The following CERT1 variants were observed in gnomAD, a reference collection of about 807,000 sequenced individuals.
CERT1 encodes ceramide transporter 1, also known as ceramide transfer protein.
In CERT1, 31 loss-of-function variants were observed where a neutral mutation model predicts 87.9. The ratio of observed to expected loss-of-function variants is 0.35; its 90% CI spans 0.27 to 0.48. CERT1 has a LOEUF of 0.48. CERT1 is among the 20% of genes least tolerant of loss of function. CERT1 has a pLI of 0.99. For synonymous variants in CERT1, 289 were observed against 250.9 expected (o/e 1.15, Z -1.44); for missense variants, 487 against 758.0 (o/e 0.64, Z 4.20).
intron 11 of CERT1, among the ~76,000 whole-genome samples, chr5:75,390,616 C>T (rs540411709): frequency 1.8e-4 from 28 of 151,988 alleles, no homozygotes; most frequent in East Asian, 5.8e-4. Flanking sequence ...ACAAAGATTG[C>T]GGAAACAAAG....
chr5:75,434,797 C>T (rs1764020799), intron 3 of CERT1, among the ~76,000 whole-genome samples: 3 of 152,058 alleles, frequency 2.0e-5, no homozygotes, highest in Admixed American at 2.0e-4. Flanking sequence ...TTTTTAATCT[C>T]TGAGGGTTTT....
chr5:75,487,031 C>T (rs934057669), intron 2 of CERT1, among the ~76,000 whole-genome samples: 5 of 152,010 alleles, frequency 3.3e-5, no homozygotes, highest in Non-Finnish European at 7.4e-5. Flanking sequence ...CCAAAGATAT[C>T]CTAAGCAAAA....
At chr5:75,394,116 A>G (rs1481562150) in intron 11 of CERT1, among the ~76,000 whole-genome samples, 1 of 152,212 alleles carries the variant, frequency 6.6e-6, no homozygotes, top group Non-Finnish European at 1.5e-5. Context: ...CGTATTGACA[A>G]AAGTTAACTG....
chr5:75,388,506 A>G (rs1023030442), intron 12 of CERT1, among the ~76,000 whole-genome samples: 2 of 150,358 alleles, frequency 1.3e-5, no homozygotes, highest in African/African-American at 4.9e-5. Flanking sequence ...ATTGTTTCAA[A>G]TCACAGAGAT....
intron 2 of CERT1, among the ~76,000 whole-genome samples, chr5:75,486,757 T>C (rs1215524181): frequency 6.6e-6 from 1 of 151,944 alleles, no homozygotes; most frequent in African/African-American, 2.4e-5. Context: ...ATAAGATACC[T>C]AGGAATAAAC....
chr5:75,393,793 CT>C (rs967212582), intron 11 of CERT1, among the ~76,000 whole-genome samples: 1 of 150,908 alleles, frequency 6.6e-6, no homozygotes. Context: ...GTGAACTCCC[CT>C]CTCTACTAAA....
At chr5:75,505,838 T>C in intron 2 of CERT1, 144 bp downstream of exon 2, 1 of 539,478 alleles carries the variant, frequency 1.9e-6, no homozygotes, top group African/African-American at 2.0e-5. Context: ...AATCACTTTA[T>C]GGAAAAAAGT....
intron 11 of CERT1, among the ~76,000 whole-genome samples, 196 bp from the exon 12 acceptor site, chr5:75,389,883 G>A (rs1224738360): frequency 2.6e-5 from 4 of 152,148 alleles, no homozygotes; most frequent in Non-Finnish European, 4.4e-5. Flanking sequence ...AATGACAGGA[G>A]ACAGAAATGA....
intron 3 of CERT1, among the ~76,000 whole-genome samples, chr5:75,453,101 CA>C (rs1182587268): frequency 8.5e-5 from 13 of 152,092 alleles, no homozygotes; most frequent in African/African-American, 3.1e-4. Flanking sequence ...TTAAATCATA[CA>C]GTCATTTCGT....
At chr5:75,403,504 C>G (rs1374406049) in intron 8 of CERT1, among the ~76,000 whole-genome samples, 1 of 152,190 alleles carries the variant, frequency 6.6e-6, no homozygotes, top group East Asian at 1.9e-4. Context: ...GCTCATTCAG[C>G]TATATATTAT....
In CERT1 at chr5:75,430,564, G is replaced by A. The variant is rs146427099; in HGVS notation, c.349-4086C>T. ...ATACAAAGAGGTAGAAGAAAATGTG[G>A]GAAGTGTAGACTACATCTGTCAAAA... On this transcript the variant is annotated intron_variant, in intron 3 of 16. Coordinates refer to ENST00000643780, the MANE Select transcript of CERT1 (RefSeq NM_001379029.1). 1.1e-3 allele frequency among the ~76,000 whole-genome samples: 164 copies of A among 152,236 alleles called. 1 individual carries two copies. The East Asian group carries it at 0.027, about 25-fold the overall frequency.
At chr5:75,481,727 T>A (rs1172971733) in intron 2 of CERT1, among the ~76,000 whole-genome samples, 1 of 152,216 alleles carries the variant, frequency 6.6e-6, no homozygotes, top group Non-Finnish European at 1.5e-5. Flanking sequence ...ATTGACTTGA[T>A]GTATCTGCTT....
intron 3 of CERT1, among the ~76,000 whole-genome samples, chr5:75,442,978 G>C (rs1764387777): frequency 6.6e-6 from 1 of 151,996 alleles, no homozygotes; most frequent in Non-Finnish European, 1.5e-5. Flanking sequence ...TATACATATA[G>C]AGCTCAGTAC....
intron 3 of CERT1, among the ~76,000 whole-genome samples, chr5:75,453,984 T>C (rs1373603862): frequency 6.6e-5 from 10 of 151,964 alleles, no homozygotes; most frequent in Admixed American, 6.6e-4. Flanking sequence ...ACTAAAACCT[T>C]CCAGGTAAGC....
chr5:75,434,621 G>A (rs1001408743), intron 3 of CERT1, among the ~76,000 whole-genome samples: 2 of 151,074 alleles, frequency 1.3e-5, no homozygotes, highest in East Asian at 1.9e-4. Context: ...TGTGGTCCAC[G>A]GCTTTTTCTG....
At chr5:75,452,844 T>C (rs1472521042) in intron 3 of CERT1, among the ~76,000 whole-genome samples, 3 of 152,164 alleles carry the variant, frequency 2.0e-5, no homozygotes, top group Admixed American at 6.6e-5. Context: ...ACCCTATCTT[T>C]AAAAATAATT....
intron 3 of CERT1, among the ~76,000 whole-genome samples, chr5:75,434,267 T>G (rs1763997811): frequency 6.6e-6 from 1 of 152,036 alleles, no homozygotes; most frequent in Admixed American, 6.6e-5. Context: ...TCATGTGTTT[T>G]TCATTTCTAG....
At chr5:75,396,585 T>C (rs1762262696) in intron 11 of CERT1, among the ~76,000 whole-genome samples, 1 of 151,642 alleles carries the variant, frequency 6.6e-6, no homozygotes, top group Non-Finnish European at 1.5e-5. Context: ...AAAAATTAGC[T>C]GGGTGTGGTG....
At position 75,511,240 on chromosome 5, in the gene CERT1, C is replaced by A. The variant is rs755104888; in HGVS notation, c.-33G>T. On this transcript the variant is annotated 5_prime_UTR_variant, in exon 1 of 17. Coordinates refer to ENST00000643780, the MANE Select transcript of CERT1 (RefSeq NM_001379029.1). ...CGACAACCGAGCAGGAGACCGGCCC[C>A]CGCTCCCTCAGCTGCGCCGGAGGAG... 1 of 1,609,360 alleles carries A rather than the reference C, an allele frequency of 6.2e-7. No individual in the cohort carries two copies. The highest frequency in any genetic ancestry group is 1.7e-5 in the Admixed American group (1 of 59,422).
Sources: gnomAD v4.1 joint callset for allele counts (sites outside exome capture counted in the v4.1 genomes callset) on GRCh38, gnomAD v4.1.1 for gene constraint, MANE v1.5 for transcripts, NCBI Gene and HGNC (gene_info 2026-07-23, HGNC 2026-07-21) for gene names.